Variants in KIF2A observed in about 807,000 individuals in gnomAD.
KIF2A encodes the protein kinesin family member 2A.
Under a neutral mutation model 100.2 loss-of-function variants are expected in KIF2A, and 22 were observed. That is an observed-to-expected ratio of 0.22 (90% CI 0.16 to 0.31). KIF2A has a LOEUF of 0.31. Ranked by LOEUF, KIF2A falls within the 10% of genes least tolerant of loss-of-function variation. KIF2A has a pLI of 1.00. For synonymous variants in KIF2A, 268 were observed against 285.9 expected, an observed-to-expected ratio of 0.94 and a Z score of 0.63; for missense variants, 495 against 898.7, an observed-to-expected ratio of 0.55 and a Z score of 5.74.
At chr5:62,355,360 T>C in intron 7 of KIF2A, 106 bp downstream of exon 7, 2 of 614,024 alleles carry the variant, frequency 3.3e-6, no homozygotes, top group Non-Finnish European at 5.8e-6. Context: ...AGTTTTTCCT[T>C]TCCTTGTGGG....
At chr5:62,325,304 A>G (rs1326950783) in intron 1 of KIF2A, among the ~76,000 whole-genome samples, 1 of 151,976 alleles carries the variant, frequency 6.6e-6, no homozygotes, top group East Asian at 1.9e-4. Context: ...TTGTATTTAT[A>G]GTAGAGATGG....
intron 18 of KIF2A, among the ~76,000 whole-genome samples, chr5:62,376,904 A>G (rs1159242277): frequency 6.6e-6 from 1 of 152,134 alleles, no homozygotes. Flanking sequence ...CAAATTGCGC[A>G]TACACAAGTC....
Position 62,389,308 on chromosome 5 carries a change from A to G in KIF2A, c.*3739A>G, listed in dbSNP as rs1742182002. On this transcript the variant is annotated 3_prime_UTR_variant, in exon 21 of 21. Coordinates refer to ENST00000407818, the MANE Select transcript of KIF2A (RefSeq NM_001098511.3). ...CGAGAACAGTCTGGCCAACATGGTGAAACCCCGTCTCTACTAAAAATACAA... is the reference window on the plus strand; with the variant it reads ...CGAGAACAGTCTGGCCAACATGGTGGAACCCCGTCTCTACTAAAAATACAA... Among the ~76,000 whole-genome samples, 1 of 151,926 alleles carries G rather than the reference A, an allele frequency of 6.6e-6. No homozygotes were observed. The highest frequency in any genetic ancestry group is 2.1e-4 in the South Asian group (1 of 4,816).
intron 1 of KIF2A, among the ~76,000 whole-genome samples, chr5:62,345,927 T>G (rs755850137): frequency 2.0e-5 from 3 of 152,048 alleles, no homozygotes; most frequent in Non-Finnish European, 2.9e-5. Flanking sequence ...TGAAATAAAT[T>G]TTTTAAAAAG....
chr5:62,384,856 G>C (rs149644083), intron 20 of KIF2A, among the ~76,000 whole-genome samples: 6 of 152,192 alleles, frequency 3.9e-5, no homozygotes, highest in Non-Finnish European at 7.4e-5. Flanking sequence ...AGGTAAAATA[G>C]GGGGTGCTGA....
chr5:62,345,995 TA>T (rs1747545901), intron 1 of KIF2A, among the ~76,000 whole-genome samples: 1 of 152,086 alleles, frequency 6.6e-6, no homozygotes, highest in African/African-American at 2.4e-5. Flanking sequence ...CCTAGGCAAA[TA>T]ATCCAACAAG....
At chr5:62,360,146 A>G (rs1748326287) in intron 9 of KIF2A, among the ~76,000 whole-genome samples, 1 of 151,038 alleles carries the variant, frequency 6.6e-6, no homozygotes, top group South Asian at 2.1e-4. Context: ...GTGTGCCACC[A>G]CGTTCAGCTA....
chr5:62,317,893 C>G (rs759989116), intron 1 of KIF2A, among the ~76,000 whole-genome samples: 1 of 151,928 alleles, frequency 6.6e-6, no homozygotes, highest in Non-Finnish European at 1.5e-5. Flanking sequence ...TTTCTCCAGT[C>G]TCTTTTGCTA....
chr5:62,348,653 G>A (rs1364654119), intron 3 of KIF2A, among the ~76,000 whole-genome samples: 4 of 152,132 alleles, frequency 2.6e-5, no homozygotes, highest in African/African-American at 9.7e-5. Context: ...CTCCCTAGCA[G>A]TTTTATCTTT....
chr5:62,383,270 TCTCA>T (rs1741868198), intron 20 of KIF2A, among the ~76,000 whole-genome samples: 1 of 112,076 alleles, frequency 8.9e-6, no homozygotes, highest in African/African-American at 3.5e-5. Flanking sequence ...TGAGATGGAG[TCTCA>T]CTCTGTCACG....
chr5:62,334,482 A>G (rs1264778085), intron 1 of KIF2A, among the ~76,000 whole-genome samples: 1 of 146,084 alleles, frequency 6.8e-6, no homozygotes, highest in Non-Finnish European at 1.5e-5. Context: ...AGCCCTCACT[A>G]AGTACCCTGC....
Position 62,355,073 on chromosome 5 carries a change from ATTTAAT to A in KIF2A, c.559-76_559-71del, listed in dbSNP as rs554569656. The A allele has an allele frequency of 3.8e-4, 251 of 665,188 alleles. No homozygotes were observed. In the African/African-American group the frequency reaches 4.2e-3, roughly 11 times the overall value. 41.2% of individuals were successfully genotyped at this position (665,188 alleles called of 1,614,324 possible). A position where few individuals can be genotyped will look rare whatever the true frequency, so the allele number is the denominator to read the frequency against. ...AGGCTTGGTTATGACAAATGGCACA[ATTTAAT>A]TTTAATTTTCAAACCAAATATAAAT... On this transcript the variant is annotated intron_variant, in intron 6 of 20. Coordinates refer to ENST00000407818, the MANE Select transcript of KIF2A (RefSeq NM_001098511.3).
At chr5:62,371,320 C>T (rs1470978874) in intron 16 of KIF2A, among the ~76,000 whole-genome samples, 1 of 152,016 alleles carries the variant, frequency 6.6e-6, no homozygotes, top group Non-Finnish European at 1.5e-5. Flanking sequence ...GGATAAAAGG[C>T]AGATGAATCC....
At chr5:62,341,606 T>G (rs1231233258) in intron 1 of KIF2A, among the ~76,000 whole-genome samples, 1 of 152,102 alleles carries the variant, frequency 6.6e-6, no homozygotes, top group Non-Finnish European at 1.5e-5. Context: ...CCAGCCTCCT[T>G]GATTTGCTTT....
intron 10 of KIF2A, 63 bp from the exon 11 acceptor site, chr5:62,361,403 A>T: frequency 7.1e-7 from 1 of 1,416,328 alleles, no homozygotes; most frequent in Non-Finnish European, 1.0e-6. Flanking sequence ...TAATTCTGTG[A>T]ACTAAATTCT....
At chr5:62,315,990 T>G (rs1315893985) in intron 1 of KIF2A, among the ~76,000 whole-genome samples, 1 of 152,238 alleles carries the variant, frequency 6.6e-6, no homozygotes, top group Non-Finnish European at 1.5e-5. Context: ...TTGCAAAGTC[T>G]GAGTATAGCT....
intron 1 of KIF2A, among the ~76,000 whole-genome samples, chr5:62,307,373 A>G (rs1326108060): frequency 1.4e-5 from 2 of 146,178 alleles, no homozygotes; most frequent in East Asian, 4.0e-4. Flanking sequence ...CACATGCTTC[A>G]TTTTTTTTTT....
intron 11 of KIF2A, among the ~76,000 whole-genome samples, chr5:62,361,904 G>GT (rs1748432242): frequency 6.6e-6 from 1 of 151,800 alleles, no homozygotes; most frequent in East Asian, 1.9e-4. Context: ...GCGGGCGCCT[G>GT]TAATCCCAGC....
chr5:62,385,375 T>C, intron 20 of KIF2A, 109 bp from the exon 21 acceptor site: 1 of 686,986 alleles, frequency 1.5e-6, no homozygotes, highest in Admixed American at 2.7e-5. Context: ...GGAAAAATAC[T>C]GAGTTACTGT....
Sources: allele counts gnomAD v4.1 joint callset (sites outside exome capture counted in the v4.1 genomes callset), GRCh38; gene constraint gnomAD v4.1.1; transcripts MANE v1.5; gene names NCBI Gene and HGNC (gene_info 2026-07-23, HGNC 2026-07-21).